DOCK1: variants seen among roughly 807,000 people sequenced by gnomAD.
The protein encoded by DOCK1 is dedicator of cytokinesis protein 1.
DOCK1 carries 138 observed loss-of-function variants against 262.7 expected under a neutral mutation model. The ratio of observed to expected loss-of-function variants is 0.53; its 90% confidence interval spans 0.46 to 0.61. The LOEUF is 0.61. DOCK1 is among the 20% of genes least tolerant of loss of function. The pLI, the probability that DOCK1 is intolerant of heterozygous loss-of-function variation, is 0.00. For synonymous variants in DOCK1, 866 were observed against 867.4 expected (o/e 1.00, Z 0.03); for missense variants, 1,908 against 2,370.7 (o/e 0.80, Z 4.05).
At chr10:127,309,581 T>A (rs1418323020) in intron 29 of DOCK1, among the ~76,000 whole-genome samples, 4 of 152,344 alleles carry the variant, frequency 2.6e-5, no homozygotes, top group Non-Finnish European at 5.9e-5. Context: ...GGGTTTTACA[T>A]GTAAGTCTTT....
intron 33 of DOCK1, among the ~76,000 whole-genome samples, chr10:127,362,840 C>CATGCACGTCCCCAG (rs1397664331): frequency 1.4e-3 from 3 of 2,198 alleles, no homozygotes; most frequent in African/African-American, 4.8e-3. Flanking sequence ...CACACATACA[C>CATGCACGTCCCCAG]ACACACACAC....
chr10:126,997,307 A>G (rs1487034256), intron 7 of DOCK1, among the ~76,000 whole-genome samples: 1 of 152,158 alleles, frequency 6.6e-6, no homozygotes, highest in African/African-American at 2.4e-5. Context: ...TCGCCTTACT[A>G]TAAAGAAGTG....
chr10:127,300,789 C>T (rs918485875), intron 29 of DOCK1, among the ~76,000 whole-genome samples: 1 of 152,128 alleles, frequency 6.6e-6, no homozygotes, highest in African/African-American at 2.4e-5. Context: ...CTCCCGAGAG[C>T]CCCACCTGAC....
At chr10:127,407,270 G>A (rs947271661) in intron 40 of DOCK1, among the ~76,000 whole-genome samples, 7 of 152,096 alleles carry the variant, frequency 4.6e-5, no homozygotes, top group African/African-American at 1.7e-4. Context: ...TCACAGTTCC[G>A]GAGGCTGGGA....
chr10:127,449,152 G>T (rs2070789908), intron 51 of DOCK1, among the ~76,000 whole-genome samples: 1 of 152,174 alleles, frequency 6.6e-6, no homozygotes. Context: ...AGGCTGGAAT[G>T]GTTTGTTGCA....
At chr10:127,024,499 A>G (rs889549521) in intron 14 of DOCK1, among the ~76,000 whole-genome samples, 186 bp from the exon 15 acceptor site, 3 of 152,160 alleles carry the variant, frequency 2.0e-5, no homozygotes, top group African/African-American at 4.8e-5. Context: ...GTGTGAGAAC[A>G]GGGGTTGGAG....
intron 29 of DOCK1, among the ~76,000 whole-genome samples, chr10:127,269,944 G>A (rs929060463): frequency 6.6e-6 from 1 of 152,160 alleles, no homozygotes; most frequent in Admixed American, 6.5e-5. Flanking sequence ...TCCTGACCAC[G>A]CTCAGTTTTG....
At chr10:127,005,984 G>A (rs146493991) in intron 10 of DOCK1, among the ~76,000 whole-genome samples, 412 of 152,132 alleles carry the variant, frequency 2.7e-3, no homozygotes, top group Non-Finnish European at 4.4e-3. Context: ...TCAAAAATTC[G>A]GCTTCTCAAT....
At chr10:127,024,607 C>T in intron 14 of DOCK1, 78 bp from the exon 15 acceptor site, 2 of 1,228,662 alleles carry the variant, frequency 1.6e-6, no homozygotes, top group Non-Finnish European at 2.3e-6. Flanking sequence ...ACCTGTCCCC[C>T]CACATATATA....
intron 1 of DOCK1, among the ~76,000 whole-genome samples, chr10:126,950,890 G>A (rs1192193342): frequency 2.6e-5 from 4 of 152,068 alleles, no homozygotes; most frequent in African/African-American, 7.2e-5. Flanking sequence ...GGTGGTGCTG[G>A]TGATGTTGGT....
chr10:127,440,124 G>A (rs541797769), intron 49 of DOCK1, among the ~76,000 whole-genome samples: 3 of 138,234 alleles, frequency 2.2e-5, no homozygotes, highest in South Asian at 5.1e-4. Context: ...CAGGGGAGGG[G>A]AGCAGGCGTG....
chr10:127,302,374 T>C (rs892080190), intron 29 of DOCK1, among the ~76,000 whole-genome samples: 1 of 151,998 alleles, frequency 6.6e-6, no homozygotes, highest in African/African-American at 2.4e-5. Context: ...AGGAGAGCCC[T>C]GGGGGGCCAC....
At chr10:127,027,870 G>T (rs1056757335) in intron 16 of DOCK1, among the ~76,000 whole-genome samples, 2 of 152,132 alleles carry the variant, frequency 1.3e-5, no homozygotes, top group African/African-American at 4.8e-5. Flanking sequence ...ATGGTGTGCA[G>T]ATCATCGAGA....
intron 27 of DOCK1, among the ~76,000 whole-genome samples, chr10:127,236,850 A>G (rs577059234): frequency 6.6e-6 from 1 of 152,158 alleles, no homozygotes; most frequent in Non-Finnish European, 1.5e-5. Context: ...TACATATCTA[A>G]TTAAACTTTT....
chr10:127,305,454 T>C (rs1165083786), intron 29 of DOCK1, among the ~76,000 whole-genome samples: 1 of 152,142 alleles, frequency 6.6e-6, no homozygotes, highest in Non-Finnish European at 1.5e-5. Flanking sequence ...GATTTTTGTG[T>C]TCCTCGAGTG....
At position 127,127,609 on chromosome 10, in the gene DOCK1, CTGGGGCT is replaced by C. The variant is rs2050044087; in HGVS notation, c.2752-57_2752-51del. The C allele has an allele frequency of 6.6e-6, 9 of 1,364,530 alleles. No individual in the cohort carries two copies. In the East Asian group the frequency reaches 2.1e-4, roughly 32 times the overall value. The allele number at this position is 1,364,530 out of a possible 1,614,324, so 84.5% of individuals were successfully genotyped here. A position where few individuals can be genotyped will look rare whatever the true frequency, so the allele number is the denominator to read the frequency against. On this transcript the variant is annotated intron_variant, in intron 26 of 51. Transcript: ENST00000623213. ...GGGTAAATGGATTCAATGACAACCA[CTGGGGCT>C]TGCATGTTAATGTTTCTCTGGTGTT...
chr10:127,422,192 G>A (rs1324737766), intron 46 of DOCK1, among the ~76,000 whole-genome samples: 1 of 98,188 alleles, frequency 1.0e-5, no homozygotes, highest in African/African-American at 4.3e-5. Context: ...TTTTGAGATG[G>A]AGTCTCGCTC....
chr10:127,376,355 A>G (rs1218444038), intron 35 of DOCK1, among the ~76,000 whole-genome samples: 1 of 152,214 alleles, frequency 6.6e-6, no homozygotes, highest in Non-Finnish European at 1.5e-5. Flanking sequence ...ATGTTTGCAG[A>G]TGCATCATGT....
At chr10:126,921,628 G>C (rs565849547) in intron 1 of DOCK1, among the ~76,000 whole-genome samples, 2 of 148,802 alleles carry the variant, frequency 1.3e-5, no homozygotes, top group Non-Finnish European at 3.0e-5. Context: ...ACTTGAGGAC[G>C]GGTGAGAGAG....
Sources: gnomAD v4.1 joint callset for allele counts (sites outside exome capture counted in the v4.1 genomes callset) on GRCh38, gnomAD v4.1.1 for gene constraint, MANE v1.5 for transcripts, NCBI Gene and HGNC (gene_info 2026-07-23, HGNC 2026-07-21) for gene names.